The following PCCA variants were observed in gnomAD, a reference collection of about 807,000 sequenced individuals.
The protein encoded by PCCA is propionyl-CoA carboxylase subunit alpha, also known as propionyl-CoA carboxylase alpha chain, mitochondrial.
A neutral mutation model predicts 101.3 loss-of-function variants in PCCA; 74 were observed. The ratio of observed to expected loss-of-function variants is 0.73; its 90% CI spans 0.61 to 0.89. The LOEUF is 0.89. Ranked by LOEUF, PCCA falls within the 40% of genes least tolerant of loss-of-function variation. PCCA has a pLI of 0.00. For missense variants in PCCA, 891 were observed against 907.0 expected (o/e 0.98, Z 0.23); for synonymous variants, 294 against 313.6 (o/e 0.94, Z 0.66).
At chr13:100,431,788 C>G (rs1486504716) in intron 20 of PCCA, among the ~76,000 whole-genome samples, 1 of 152,020 alleles carries the variant, frequency 6.6e-6, no homozygotes, top group Non-Finnish European at 1.5e-5. Flanking sequence ...ATGGTGTGAA[C>G]CCAGGAGGCA....
intron 4 of PCCA, among the ~76,000 whole-genome samples, chr13:100,140,870 T>A (rs1285460254): frequency 6.6e-6 from 1 of 152,182 alleles, no homozygotes; most frequent in Non-Finnish European, 1.5e-5. Context: ...GTATACTATG[T>A]TGTGTATCCT....
intron 4 of PCCA, among the ~76,000 whole-genome samples, chr13:100,128,701 G>A (rs986525861): frequency 6.6e-6 from 1 of 152,070 alleles, no homozygotes; most frequent in Non-Finnish European, 1.5e-5. Context: ...CTCATGTTAA[G>A]TCCAGTGGAC....
At chr13:100,230,655 C>T (rs930358961) in intron 7 of PCCA, among the ~76,000 whole-genome samples, 1 of 152,188 alleles carries the variant, frequency 6.6e-6, no homozygotes, top group African/African-American at 2.4e-5. Flanking sequence ...CCCAGCCTGA[C>T]TCTTCAGATC....
intron 20 of PCCA, among the ~76,000 whole-genome samples, chr13:100,438,180 G>A (rs2080084580): frequency 6.6e-6 from 1 of 150,798 alleles, no homozygotes; most frequent in Admixed American, 6.6e-5. Flanking sequence ...TTTAATGATA[G>A]GGTCTTGCTC....
At chr13:100,361,552 A>T (rs1277679926) in intron 18 of PCCA, among the ~76,000 whole-genome samples, 5 of 152,144 alleles carry the variant, frequency 3.3e-5, no homozygotes, top group African/African-American at 1.2e-4. Flanking sequence ...AAGGCCTTGT[A>T]TCCAAAATAA....
intron 9 of PCCA, among the ~76,000 whole-genome samples, chr13:100,260,128 G>A (rs1217501723): frequency 6.6e-6 from 1 of 152,080 alleles, no homozygotes; most frequent in East Asian, 1.9e-4. Context: ...CTAATAAAAA[G>A]TTGATTATAT....
At chr13:100,096,529 C>T (rs1046818337) in intron 1 of PCCA, among the ~76,000 whole-genome samples, 1 of 152,140 alleles carries the variant, frequency 6.6e-6, no homozygotes, top group Non-Finnish European at 1.5e-5. Context: ...GGAAGAGTCA[C>T]ACATCTCTCA....
chr13:100,419,078 C>G (rs1380681265), intron 19 of PCCA, among the ~76,000 whole-genome samples: 2 of 151,650 alleles, frequency 1.3e-5, no homozygotes, highest in African/African-American at 4.8e-5. Context: ...CACTAGCATA[C>G]TTAATTCCTA....
chr13:100,321,618 TGTGTGTGTGTG>T (rs1352468389), intron 16 of PCCA, among the ~76,000 whole-genome samples: 1 of 150,670 alleles, frequency 6.6e-6, no homozygotes, highest in African/African-American at 2.4e-5. Context: ...TGTGTGTGTG[TGTGTGTGTGTG>T]TGTGTGTACA....
At chr13:100,089,326 G>C (rs2046053988) in intron 1 of PCCA, 101 bp downstream of exon 1, 3 of 1,311,498 alleles carry the variant, frequency 2.3e-6, no homozygotes, top group African/African-American at 1.6e-5. Flanking sequence ...GGGTCCGGCT[G>C]CCCCCGCGCC....
At position 100,403,522 on chromosome 13, in the gene PCCA, G is replaced by C. The variant is rs185842223; in HGVS notation, c.1747-22111G>C. Among the ~76,000 whole-genome samples, 76 of 152,226 alleles carry C rather than the reference G, an allele frequency of 5.0e-4. 1 individual carries two copies. The highest frequency in any genetic ancestry group is 1.8e-3 in the African/African-American group (74 of 41,538). Reference sequence around the variant, plus strand: ...CATGGTGAGAACCACAGTGAGCGGGGGTGGGGATGTGCCACACACTTTTAA... The same window carrying C: ...CATGGTGAGAACCACAGTGAGCGGGCGTGGGGATGTGCCACACACTTTTAA... On this transcript the variant is annotated intron_variant, in intron 19 of 23. Coordinates refer to ENST00000376285, the MANE Select transcript of PCCA (RefSeq NM_000282.4).
At chr13:100,300,205 C>T (rs2065950140) in intron 12 of PCCA, among the ~76,000 whole-genome samples, 1 of 152,162 alleles carries the variant, frequency 6.6e-6, no homozygotes, top group South Asian at 2.1e-4. Flanking sequence ...TTTAGTGTCA[C>T]ATTTACGAAG....
chr13:100,192,691 T>C (rs1400141380), intron 6 of PCCA, among the ~76,000 whole-genome samples: 1 of 152,186 alleles, frequency 6.6e-6, no homozygotes, highest in Non-Finnish European at 1.5e-5. Context: ...AGCCAGACCC[T>C]GTCTTAAAAA....
In PCCA at chr13:100,515,412, T is replaced by C. The variant is rs769815745; in HGVS notation, c.1900-15T>C. ...TTTAAACTCATTTATGGTTTGGTTT[T>C]GTTTTTCCCTTAAGTACAAGGTGAA... is the stretch of plus-strand genomic sequence containing the variant. On this transcript the variant is annotated splice_polypyrimidine_tract_variant and intron_variant, in intron 21 of 23. Coordinates refer to ENST00000376285, the MANE Select transcript of PCCA (RefSeq NM_000282.4). 5 of 1,613,190 alleles carry C rather than the reference T, an allele frequency of 3.1e-6. No homozygotes were observed. The Admixed American group carries it at 6.7e-5, about 22-fold the overall frequency.
intron 4 of PCCA, chr13:100,151,019 C>T (rs1488625597): frequency 3.9e-6 from 6 of 1,546,056 alleles, no homozygotes; most frequent in South Asian, 3.3e-5. Flanking sequence ...CTGCCAGCAG[C>T]GGACCCTCAG....
At chr13:100,361,094 A>T (rs137882284) in intron 18 of PCCA, among the ~76,000 whole-genome samples, 582 of 152,304 alleles carry the variant, frequency 3.8e-3, no homozygotes, top group African/African-American at 0.013. Context: ...TGAAAAAGGC[A>T]AACCTATGGA....
At chr13:100,275,058 G>T (rs866331201) in intron 12 of PCCA, among the ~76,000 whole-genome samples, 3 of 150,658 alleles carry the variant, frequency 2.0e-5, no homozygotes, top group African/African-American at 4.9e-5. Context: ...GGAGGGGGTG[G>T]GGGGGGAGGG....
intron 10 of PCCA, among the ~76,000 whole-genome samples, chr13:100,263,645 T>C (rs1011502762): frequency 6.6e-6 from 1 of 152,120 alleles, no homozygotes; most frequent in African/African-American, 2.4e-5. Context: ...AGAAAAAATA[T>C]CCAAACTTAT....
chr13:100,235,903 AGG>A, intron 8 of PCCA, 25 bp downstream of exon 8: 2 of 1,512,162 alleles, frequency 1.3e-6, no homozygotes, highest in Non-Finnish European at 1.8e-6. Flanking sequence ...TAACTTTGGT[AGG>A]ATTTCTGTGT....
Sources: allele counts gnomAD v4.1 joint callset (sites outside exome capture counted in the v4.1 genomes callset), GRCh38; gene constraint gnomAD v4.1.1; transcripts MANE v1.5; gene names NCBI Gene and HGNC (gene_info 2026-07-23, HGNC 2026-07-21).